The following ZFAND4 variants were observed in gnomAD, a reference collection of about 807,000 sequenced individuals.
ZFAND4 encodes AN1-type zinc finger protein 4.
Under a neutral mutation model 64.4 loss-of-function variants are expected in ZFAND4, and 43 were observed. That is an observed-to-expected ratio of 0.67 (90% CI 0.52 to 0.86). ZFAND4 has a LOEUF of 0.86. Among genes scored for constraint, ZFAND4 ranks in the 40% least tolerant of loss-of-function variants. The probability of loss-of-function intolerance (pLI) is 0.00; values close to 1 mark genes in which losing one functional copy is unlikely to be tolerated. For missense variants in ZFAND4, 929 were observed against 859.8 expected (o/e 1.08, Z -1.01); for synonymous variants, 296 against 305.7 (o/e 0.97, Z 0.33).
chr10:45,631,170 T>C (rs571127906), intron 6 of ZFAND4, among the ~76,000 whole-genome samples: 1 of 151,218 alleles, frequency 6.6e-6, no homozygotes, highest in Admixed American at 6.6e-5. Context: ...TACAAAAAAT[T>C]AGCTGGGTGT....
intron 5 of ZFAND4, 151 bp from the exon 6 acceptor site, chr10:45,640,114 A>C: frequency 1.6e-6 from 2 of 1,285,840 alleles, no homozygotes; most frequent in Non-Finnish European, 2.0e-6. Flanking sequence ...TATATTTCAA[A>C]GAATGTACTT....
Position 45,640,497 on chromosome 10 carries a change from A to G in ZFAND4, c.570-534T>C, listed in dbSNP as rs550416057. On this transcript the variant is annotated intron_variant, in intron 5 of 9. Coordinates refer to ENST00000344646, the MANE Select transcript of ZFAND4 (RefSeq NM_174890.4). ...TTTCTATTCTTAAGGAGCAAAAAAC[A>G]TTTTTTTTTTCTTGAGACAGTCTCA... 3.0e-6 allele frequency: 3 copies of G among 1,009,334 alleles called. No homozygotes were observed. In the Admixed American group the frequency reaches 1.3e-4, roughly 44 times the overall value. 62.5% of individuals were successfully genotyped at this position (1,009,334 alleles called of 1,614,324 possible). A position where few individuals can be genotyped will look rare whatever the true frequency, so the allele number is the denominator to read the frequency against.
intron 8 of ZFAND4, 43 bp from the exon 9 acceptor site, chr10:45,618,303 C>A (rs1479377639): frequency 6.3e-7 from 1 of 1,595,628 alleles, no homozygotes; most frequent in Non-Finnish European, 8.5e-7. Context: ...GGCATAAAAT[C>A]CTAAACATGA....
chr10:45,640,423 T>TAAAAAAAAA, intron 5 of ZFAND4: 1 of 917,012 alleles, frequency 1.1e-6, no homozygotes. Context: ...AGATTCTCAC[T>TAAAAAAAAA]AAAAAAAAAA....
chr10:45,623,964 A>C (rs2045615314), intron 8 of ZFAND4, among the ~76,000 whole-genome samples: 1 of 152,240 alleles, frequency 6.6e-6, no homozygotes, highest in Non-Finnish European at 1.5e-5. Context: ...AAGGTGGCAC[A>C]TCTTTGGTAA....
chr10:45,645,498 T>C (rs1369754230), intron 5 of ZFAND4, among the ~76,000 whole-genome samples: 1 of 152,230 alleles, frequency 6.6e-6, no homozygotes, highest in African/African-American at 2.4e-5. Flanking sequence ...CCTTAACTAC[T>C]ATTACAAACA....
At chr10:45,634,774 A>G (rs1400114635) in intron 6 of ZFAND4, among the ~76,000 whole-genome samples, 2 of 152,168 alleles carry the variant, frequency 1.3e-5, no homozygotes, top group Non-Finnish European at 2.9e-5. Context: ...GACTGCACCA[A>G]AAAACGATTA....
At chr10:45,646,054 A>G (rs2047356505) in intron 5 of ZFAND4, among the ~76,000 whole-genome samples, 2 of 152,212 alleles carry the variant, frequency 1.3e-5, no homozygotes, top group African/African-American at 4.8e-5. Flanking sequence ...GAACTTTTGC[A>G]ATTGACTTTG....
At chr10:45,618,759 A>G (rs554501666) in intron 8 of ZFAND4, among the ~76,000 whole-genome samples, 63 of 152,310 alleles carry the variant, frequency 4.1e-4, no homozygotes, top group African/African-American at 1.1e-3. Context: ...CAAAACTTCA[A>G]TATGTTTATT....
At chr10:45,616,600 A>G (rs1353739754) in intron 9 of ZFAND4, 29 bp from the exon 10 acceptor site, 1 of 1,612,892 alleles carries the variant, frequency 6.2e-7, no homozygotes, top group Admixed American at 1.7e-5. Flanking sequence ...TTACGTGAAT[A>G]GTTGTATTTC....
At chr10:45,644,063 T>C (rs1589355345) in intron 5 of ZFAND4, among the ~76,000 whole-genome samples, 1 of 152,202 alleles carries the variant, frequency 6.6e-6, no homozygotes. Flanking sequence ...CAGAGTTGAG[T>C]AGCTATGACA....
intron 5 of ZFAND4, chr10:45,640,420 C>CCCAA: frequency 1.2e-6 from 1 of 832,752 alleles, no homozygotes; most frequent in Non-Finnish European, 1.6e-6. Flanking sequence ...AGGAGATTCT[C>CCCAA]ACTAAAAAAA....
intron 6 of ZFAND4, among the ~76,000 whole-genome samples, chr10:45,635,813 G>A (rs1272190065): frequency 6.6e-6 from 1 of 152,172 alleles, no homozygotes; most frequent in Admixed American, 6.5e-5. Flanking sequence ...GCACAACACT[G>A]TGTTATACAC....
Position 45,618,139 on chromosome 10 carries a change from C to T in ZFAND4, c.2048+1G>A, listed in dbSNP as rs1436538570. 3.7e-6 allele frequency: 6 copies of T among 1,606,336 alleles called. No homozygotes were observed. On this transcript the variant is annotated splice_donor_variant, in intron 9 of 9. Transcript: ENST00000344646. LOFTEE classifies it high-confidence loss of function. ...TGAGCTTCTCCAGCTCGCCAACCTG[C>T]CTGCATTCGTAGCTACTAGCCAGTC... is the stretch of plus-strand genomic sequence containing the variant.
intron 5 of ZFAND4, among the ~76,000 whole-genome samples, chr10:45,645,182 G>C (rs960185087): frequency 6.6e-6 from 1 of 151,856 alleles, no homozygotes; most frequent in East Asian, 1.9e-4. Flanking sequence ...TGTGTTGCCC[G>C]GACTTGTCTC....
intron 1 of ZFAND4, among the ~76,000 whole-genome samples, chr10:45,671,373 A>G (rs1398265134): frequency 6.6e-6 from 1 of 152,246 alleles, no homozygotes; most frequent in Non-Finnish European, 1.5e-5. Context: ...ATAAAGACAC[A>G]TGCACACGTA....
chr10:45,671,522 T>G (rs1488810216), intron 1 of ZFAND4, among the ~76,000 whole-genome samples: 1 of 152,142 alleles, frequency 6.6e-6, no homozygotes, highest in Non-Finnish European at 1.5e-5. Flanking sequence ...TGAGTTCATG[T>G]CCTTTGCATG....
intron 1 of ZFAND4, among the ~76,000 whole-genome samples, chr10:45,665,116 C>G (rs1209882977): frequency 2.0e-5 from 3 of 152,130 alleles, no homozygotes; most frequent in Non-Finnish European, 4.4e-5. Flanking sequence ...AAGTATAGAA[C>G]TAGGAGCACA....
intron 8 of ZFAND4, among the ~76,000 whole-genome samples, chr10:45,622,752 T>G (rs2045521488): frequency 1.3e-5 from 2 of 152,188 alleles, no homozygotes; most frequent in South Asian, 2.1e-4. Flanking sequence ...GATACTTCAT[T>G]GGGTTTTATA....
Sources: allele counts gnomAD v4.1 joint callset (sites outside exome capture counted in the v4.1 genomes callset), GRCh38; gene constraint gnomAD v4.1.1; transcripts MANE v1.5; gene names NCBI Gene and HGNC (gene_info 2026-07-23, HGNC 2026-07-21).